Variants in TEAD1 observed in about 807,000 individuals in gnomAD.
The protein encoded by TEAD1 is transcriptional enhancer factor TEF-1.
A neutral mutation model predicts 54.9 loss-of-function variants in TEAD1; 9 were observed. That is an observed-to-expected ratio of 0.16 (90% CI 0.10 to 0.29). TEAD1 has a LOEUF of 0.29. Among genes scored for constraint, TEAD1 ranks in the 10% least tolerant of loss-of-function variants. The pLI is 1.00. For missense variants in TEAD1, 387 were observed against 535.9 expected (o/e 0.72, Z 2.74); for synonymous variants, 200 against 187.8 (o/e 1.07, Z -0.53).
intron 3 of TEAD1, among the ~76,000 whole-genome samples, chr11:12,772,337 A>G (rs1371168123): frequency 6.6e-6 from 1 of 152,186 alleles, no homozygotes; most frequent in Non-Finnish European, 1.5e-5. Flanking sequence ...TAGTTGGGGA[A>G]AAGAATTTAT....
chr11:12,809,642 T>C (rs1241816345), intron 3 of TEAD1, among the ~76,000 whole-genome samples: 1 of 152,170 alleles, frequency 6.6e-6, no homozygotes, highest in Non-Finnish European at 1.5e-5. Context: ...AGTGCCCTTT[T>C]TAGAGATAGG....
chr11:12,770,401 G>C (rs1945290532), intron 3 of TEAD1, among the ~76,000 whole-genome samples: 1 of 152,214 alleles, frequency 6.6e-6, no homozygotes, highest in African/African-American at 2.4e-5. Flanking sequence ...TGTGGCAGTG[G>C]ATGAGCCCTG....
intron 2 of TEAD1, among the ~76,000 whole-genome samples, chr11:12,737,476 G>C (rs1319781807): frequency 2.0e-5 from 3 of 152,192 alleles, no homozygotes; most frequent in African/African-American, 7.2e-5. Context: ...AAGCAAGTGT[G>C]TGTCCTCTAC....
intron 11 of TEAD1, among the ~76,000 whole-genome samples, chr11:12,929,583 TTTAGTTTA>T (rs1948976163): frequency 6.6e-6 from 1 of 152,160 alleles, no homozygotes; most frequent in African/African-American, 2.4e-5. Context: ...TTCATTGCTC[TTTAGTTTA>T]TAATTTTCTT....
chr11:12,890,877 G>T (rs1195486785), intron 9 of TEAD1, among the ~76,000 whole-genome samples: 1 of 152,146 alleles, frequency 6.6e-6, no homozygotes, highest in Non-Finnish European at 1.5e-5. Context: ...CAATTCCCCT[G>T]CCTCAGCCTC....
At chr11:12,928,955 T>C (rs1276561374) in intron 11 of TEAD1, among the ~76,000 whole-genome samples, 1 of 151,376 alleles carries the variant, frequency 6.6e-6, no homozygotes, top group Non-Finnish European at 1.5e-5. Flanking sequence ...GTACAGTAGA[T>C]CTCTTGAGCT....
chr11:12,697,624 T>C (rs1943612880), intron 2 of TEAD1, among the ~76,000 whole-genome samples: 1 of 152,190 alleles, frequency 6.6e-6, no homozygotes, highest in Non-Finnish European at 1.5e-5. Context: ...GTTTTACTTG[T>C]TTTGTTGGTG....
intron 3 of TEAD1, among the ~76,000 whole-genome samples, chr11:12,845,784 G>A (rs777886257): frequency 6.6e-6 from 1 of 152,244 alleles, no homozygotes; most frequent in Non-Finnish European, 1.5e-5. Context: ...GAGTAGGTTG[G>A]TGTTTGAATC....
chr11:12,722,055 G>A (rs1463557539), intron 2 of TEAD1, among the ~76,000 whole-genome samples: 1 of 152,220 alleles, frequency 6.6e-6, no homozygotes, highest in Admixed American at 6.5e-5. Flanking sequence ...TGCAGTGCAG[G>A]TGAATTGGTT....
intron 11 of TEAD1, among the ~76,000 whole-genome samples, chr11:12,927,562 C>T (rs755673475): frequency 9.2e-5 from 14 of 152,070 alleles, no homozygotes; most frequent in Non-Finnish European, 1.8e-4. Context: ...ATCACTTAAA[C>T]ATATAAAGAA....
chr11:12,867,046 A>G (rs921565385), intron 5 of TEAD1, among the ~76,000 whole-genome samples: 3 of 152,160 alleles, frequency 2.0e-5, no homozygotes, highest in African/African-American at 4.8e-5. Flanking sequence ...TAAGCTCACT[A>G]TGAAGTGACT....
chr11:12,679,624 T>TA (rs1205169895), intron 2 of TEAD1, among the ~76,000 whole-genome samples: 1 of 152,110 alleles, frequency 6.6e-6, no homozygotes, highest in Non-Finnish European at 1.5e-5. Context: ...TGAACTTTTT[T>TA]AAAAAAATGC....
chr11:12,916,316 C>A (rs1213601986), intron 10 of TEAD1, among the ~76,000 whole-genome samples: 1 of 152,116 alleles, frequency 6.6e-6, no homozygotes, highest in Non-Finnish European at 1.5e-5. Flanking sequence ...GCATCTGTGC[C>A]ACACACCCGA....
intron 3 of TEAD1, among the ~76,000 whole-genome samples, chr11:12,822,175 G>A (rs1176280559): frequency 6.6e-6 from 1 of 151,910 alleles, no homozygotes; most frequent in African/African-American, 2.4e-5. Flanking sequence ...ATGTTGGCCA[G>A]GATGGTCTCG....
At chr11:12,866,600 C>G (rs1168401669) in intron 5 of TEAD1, among the ~76,000 whole-genome samples, 1 of 152,144 alleles carries the variant, frequency 6.6e-6, no homozygotes, top group Non-Finnish European at 1.5e-5. Context: ...AAAAAAGAAA[C>G]ATTCCCCTGA....
chr11:12,781,969 AAAG>A (rs1564937717), intron 3 of TEAD1, among the ~76,000 whole-genome samples: 3 of 134,864 alleles, frequency 2.2e-5, no homozygotes, highest in Admixed American at 1.4e-4. Context: ...AAAAAAAAAA[AAAG>A]AAAGAAAAAA....
chr11:12,921,443 G>A (rs1948803567), intron 10 of TEAD1, among the ~76,000 whole-genome samples: 1 of 151,836 alleles, frequency 6.6e-6, no homozygotes, highest in Non-Finnish European at 1.5e-5. Context: ...GGGAGGCTGA[G>A]GCAGGAGAGT....
At chr11:12,752,415 C>T (rs1319141423) in intron 2 of TEAD1, among the ~76,000 whole-genome samples, 1 of 152,088 alleles carries the variant, frequency 6.6e-6, no homozygotes, top group Non-Finnish European at 1.5e-5. Flanking sequence ...CCCCACGCTG[C>T]CTTCCAGTCA....
At chr11:12,730,510 T>C (rs1321864273) in intron 2 of TEAD1, among the ~76,000 whole-genome samples, 4 of 147,212 alleles carry the variant, frequency 2.7e-5, no homozygotes, top group South Asian at 2.2e-4. Context: ...AAAAACTTGA[T>C]TGAGAATTGA....
Sources: gnomAD v4.1 joint callset for allele counts (sites outside exome capture counted in the v4.1 genomes callset) on GRCh38, gnomAD v4.1.1 for gene constraint, MANE v1.5 for transcripts, NCBI Gene and HGNC (gene_info 2026-07-23, HGNC 2026-07-21) for gene names.